Variants in ARID1B observed in about 807,000 individuals in gnomAD.
The protein encoded by ARID1B is AT-rich interactive domain-containing protein 1B.
In ARID1B, 30 loss-of-function variants were observed where a neutral mutation model predicts 212.3. The ratio of observed to expected loss-of-function variants is 0.14; its 90% CI spans 0.11 to 0.19. ARID1B has a LOEUF of 0.19. Among genes scored for constraint, ARID1B ranks in the 10% least tolerant of loss-of-function variants. ARID1B has a pLI of 1.00. For synonymous variants in ARID1B, 1,402 were observed against 1,301.7 expected (o/e 1.08, Z -1.66); for missense variants, 2,891 against 3,204.0 (o/e 0.90, Z 2.36).
intron 2 of ARID1B, among the ~76,000 whole-genome samples, chr6:156,883,083 T>C (rs531164542): frequency 2.0e-5 from 3 of 152,342 alleles, no homozygotes; most frequent in Non-Finnish European, 2.9e-5. Flanking sequence ...CTGGGAGTTA[T>C]AGTCAAGGAG....
chr6:157,023,989 T>C (rs770108958), intron 4 of ARID1B: 3 of 152,254 alleles, frequency 2.0e-5, no homozygotes, highest in Non-Finnish European at 4.4e-5. Flanking sequence ...ATTTTAAAAA[T>C]AGTGAATTTG....
At chr6:157,140,325 C>T (rs1229506160) in intron 7 of ARID1B, among the ~76,000 whole-genome samples, 1 of 151,884 alleles carries the variant, frequency 6.6e-6, no homozygotes, top group African/African-American at 2.4e-5. Context: ...CAAATATTAG[C>T]CTAATGTGGT....
intron 4 of ARID1B, among the ~76,000 whole-genome samples, chr6:157,041,255 C>G (rs1781854323): frequency 6.6e-6 from 1 of 152,172 alleles, no homozygotes; most frequent in Non-Finnish European, 1.5e-5. Flanking sequence ...CTAACTAAAG[C>G]TGCTGTTGAT....
At chr6:156,891,942 G>T (rs1393554729) in intron 2 of ARID1B, among the ~76,000 whole-genome samples, 2 of 149,880 alleles carry the variant, frequency 1.3e-5, no homozygotes, top group Non-Finnish European at 3.0e-5. Flanking sequence ...CGCAATTTCG[G>T]CTCACTGCAG....
At chr6:156,979,627 AGCCCATTGCAACCTCC>A (rs1466683950) in intron 4 of ARID1B, among the ~76,000 whole-genome samples, 2 of 151,714 alleles carry the variant, frequency 1.3e-5, no homozygotes, top group African/African-American at 4.8e-5. Flanking sequence ...GCTCCATCTC[AGCCCATTGCAACCTCC>A]GCCTCCCAGG....
intron 5 of ARID1B, chr6:157,107,881 T>G (rs1210171858): frequency 6.6e-6 from 1 of 152,226 alleles, no homozygotes; most frequent in Non-Finnish European, 1.5e-5. Context: ...TGAAGGTGTT[T>G]ATTGAATTCG....
At chr6:156,916,390 C>T (rs1790360737) in intron 3 of ARID1B, among the ~76,000 whole-genome samples, 1 of 152,114 alleles carries the variant, frequency 6.6e-6, no homozygotes, top group African/African-American at 2.4e-5. Flanking sequence ...TCACACTGTG[C>T]GTTCATCAGA....
At chr6:156,915,962 C>A (rs551613171) in intron 3 of ARID1B, among the ~76,000 whole-genome samples, 1 of 150,878 alleles carries the variant, frequency 6.6e-6, no homozygotes, top group Non-Finnish European at 1.5e-5. Context: ...TAACAAATTA[C>A]GCGCCCCACC....
rs1779045494 is a variant in ARID1B at position 156,779,552 on chromosome 6, A to G, written c.1791+81A>G. ...GCCTGAGTTTCTTTCTTTGCCGCGT[A>G]CTTTTCCCCGTCTTCCCGCGGGGGC... On this transcript the variant is annotated intron_variant, in intron 1 of 19. Coordinates refer to ENST00000636930, the MANE Select transcript of ARID1B (RefSeq NM_001374828.1). The G allele has an allele frequency of 2.6e-6, 3 of 1,165,382 alleles. No homozygotes were observed. In the Admixed American group the frequency reaches 1.4e-4, roughly 53 times the overall value. 72.2% of individuals were successfully genotyped at this position (1,165,382 alleles called of 1,614,324 possible). A position where few individuals can be genotyped will look rare whatever the true frequency, so the allele number is the denominator to read the frequency against.
intron 4 of ARID1B, among the ~76,000 whole-genome samples, chr6:157,018,330 C>T (rs549052320): frequency 1.0e-3 from 144 of 143,786 alleles, no homozygotes; most frequent in African/African-American, 3.6e-3. Context: ...GATTGTTCTG[C>T]CTCAGCCTCC....
intron 3 of ARID1B, among the ~76,000 whole-genome samples, chr6:156,906,941 A>T (rs1214034575): frequency 6.6e-6 from 1 of 152,228 alleles, no homozygotes; most frequent in Non-Finnish European, 1.5e-5. Context: ...ACTGGTGTAT[A>T]CAAATGTAAC....
At chr6:156,844,215 G>A (rs1784085152) in intron 2 of ARID1B, among the ~76,000 whole-genome samples, 2 of 152,152 alleles carry the variant, frequency 1.3e-5, no homozygotes, top group African/African-American at 4.8e-5. Flanking sequence ...AAAGCCACAG[G>A]GCTGCCGCTT....
chr6:156,792,711 C>T (rs1041100211), intron 1 of ARID1B, among the ~76,000 whole-genome samples: 4 of 152,092 alleles, frequency 2.6e-5, no homozygotes, highest in African/African-American at 9.7e-5. Context: ...TTTATGAGTG[C>T]TTTTGTATAG....
chr6:157,087,958 T>G (rs1438944063), intron 5 of ARID1B, among the ~76,000 whole-genome samples: 1 of 152,234 alleles, frequency 6.6e-6, no homozygotes, highest in Non-Finnish European at 1.5e-5. Context: ...ACTTAGCCCC[T>G]GCTTCTCTCA....
chr6:157,066,107 G>A (rs1334098344), intron 4 of ARID1B, among the ~76,000 whole-genome samples: 1 of 152,160 alleles, frequency 6.6e-6, no homozygotes, highest in Non-Finnish European at 1.5e-5. Context: ...TCTCCCCACA[G>A]AAAACAATCT....
chr6:156,902,735 C>CAA (rs869259426), intron 3 of ARID1B, among the ~76,000 whole-genome samples: 1,997 of 61,514 alleles, frequency 0.032, 213 homozygotes, highest in Non-Finnish European at 0.045. Context: ...GACTCTGTCT[C>CAA]AAAAAAAAAA....
intron 3 of ARID1B, among the ~76,000 whole-genome samples, chr6:156,927,494 A>G (rs1284103318): frequency 6.6e-6 from 1 of 152,158 alleles, no homozygotes; most frequent in Non-Finnish European, 1.5e-5. Flanking sequence ...TTTGGTAAGC[A>G]TCAAATGTCT....
chr6:156,989,851 G>C (rs572996152), intron 4 of ARID1B, among the ~76,000 whole-genome samples: 8 of 152,132 alleles, frequency 5.3e-5, no homozygotes, highest in Non-Finnish European at 7.4e-5. Context: ...CCGGGTGATG[G>C]GAGTCTTCTG....
At chr6:157,007,863 A>G (rs1293158369) in intron 4 of ARID1B, among the ~76,000 whole-genome samples, 1 of 151,910 alleles carries the variant, frequency 6.6e-6, no homozygotes, top group African/African-American at 2.4e-5. Flanking sequence ...TTTTTAGTAG[A>G]GACGGGGTTT....
Sources: allele counts gnomAD v4.1 joint callset (sites outside exome capture counted in the v4.1 genomes callset), GRCh38; gene constraint gnomAD v4.1.1; transcripts MANE v1.5; gene names NCBI Gene and HGNC (gene_info 2026-07-23, HGNC 2026-07-21).